The following MYO16 variants were observed in gnomAD, a reference collection of about 807,000 sequenced individuals.
MYO16 encodes unconventional myosin-XVI.
In MYO16, 94 loss-of-function variants were observed where a neutral mutation model predicts 205.3. The ratio of observed to expected loss-of-function variants is 0.46; its 90% CI spans 0.39 to 0.54. MYO16 has a LOEUF of 0.54. Ranked by LOEUF, MYO16 falls within the 20% of genes least tolerant of loss-of-function variation. MYO16 has a pLI of 0.00. For missense variants in MYO16, 2,315 were observed against 2,387.5 expected, an observed-to-expected ratio of 0.97 and a Z score of 0.63; for synonymous variants, 988 against 954.0, an observed-to-expected ratio of 1.04 and a Z score of -0.66.
chr13:108,912,389 T>C (rs1006731915), intron 16 of MYO16, among the ~76,000 whole-genome samples: 3 of 152,184 alleles, frequency 2.0e-5, no homozygotes, highest in Non-Finnish European at 4.4e-5. Context: ...GGGTTTTCTG[T>C]TCCCAAAATA....
At chr13:108,836,202 G>C (rs1188931377) in intron 9 of MYO16, among the ~76,000 whole-genome samples, 5 of 152,330 alleles carry the variant, frequency 3.3e-5, no homozygotes, top group Admixed American at 3.3e-4. Context: ...CAGCTCAAAG[G>C]GGCCAAAGTA....
intron 16 of MYO16, among the ~76,000 whole-genome samples, chr13:108,928,061 G>A (rs149964267): frequency 2.9e-4 from 44 of 152,310 alleles, no homozygotes; most frequent in African/African-American, 9.4e-4. Context: ...TTTGCTCTGC[G>A]TTTCACAGTC....
chr13:108,916,935 TC>T (rs1420692793), intron 16 of MYO16, among the ~76,000 whole-genome samples: 1 of 152,136 alleles, frequency 6.6e-6, no homozygotes, highest in Non-Finnish European at 1.5e-5. Flanking sequence ...GATTCCCAAC[TC>T]TAACACATTT....
At chr13:108,983,038 G>A (rs553178514) in intron 20 of MYO16, among the ~76,000 whole-genome samples, 3 of 152,140 alleles carry the variant, frequency 2.0e-5, no homozygotes, top group Non-Finnish European at 2.9e-5. Flanking sequence ...TCCGTCTCCC[G>A]ACTGCCAGTA....
In MYO16 at chr13:108,948,111, A is replaced by G. The variant is rs185567972; in HGVS notation, c.1926-9577A>G. Among the ~76,000 whole-genome samples, 3 of 152,344 alleles carry G rather than the reference A, an allele frequency of 2.0e-5. No homozygotes were observed. In the East Asian group the frequency reaches 5.8e-4, roughly 29 times the overall value. On this transcript the variant is annotated intron_variant, in intron 16 of 34. Coordinates refer to ENST00000457511, the MANE Select transcript of MYO16 (RefSeq NM_001198950.3). ...TTAATATGTTTCAGATAGTTCGAAA[A>G]CAATACAGAAAAGAATTTCTGTTTT...
Position 109,140,638 on chromosome 13 carries a change from G to C in MYO16, c.4426G>C (p.Gly1476Arg). Residue 1476 changes from glycine (G) to arginine (R), a missense_variant, in exon 32 of 35, where the codon GGC becomes CGC. Physicochemically the swap from Gly to Arg is moderately radical, Grantham distance 125. Coordinates refer to ENST00000457511, the MANE Select transcript of MYO16 (RefSeq NM_001198950.3). This position sits in a 1 kb window ranked among gnomAD's most constrained non-coding sequence, Gnocchi z 8.0. Reference protein sequence around the residue: ...GPGAGSFLLHGASPPLLHRAP... With the variant: ...GPGAGSFLLHRASPPLLHRAP... ...GGGCGCGGGCTCCTTCCTGCTCCAC[G>C]GCGCATCGCCGCCCCTGCTCCACCG... The C allele has an allele frequency of 6.6e-7, 1 of 1,514,710 alleles. No individual in the cohort carries two copies. The highest frequency in any genetic ancestry group is 1.4e-5 in the African/African-American group (1 of 69,438). The allele number at this position is 1,514,710 out of a possible 1,614,324, so 93.8% of individuals were successfully genotyped here.
rs536357271 is a variant in MYO16, at chr13:108,832,481, A to G, written c.1097+9203A>G. ...ATGTCCTGAATACCTCTTTTTCACA[A>G]GCAGAAGAAATTTCTCATAACTAGA... On this transcript the variant is annotated intron_variant, in intron 9 of 34. Coordinates refer to ENST00000457511, the MANE Select transcript of MYO16 (RefSeq NM_001198950.3). Among the ~76,000 whole-genome samples the G allele has an allele frequency of 2.0e-5, 3 of 152,104 alleles. No individual in the cohort carries two copies. In the East Asian group the frequency reaches 5.8e-4, roughly 30 times the overall value.
At chr13:108,634,855 A>G (rs1239081048) in intron 1 of MYO16, among the ~76,000 whole-genome samples, 1 of 151,976 alleles carries the variant, frequency 6.6e-6, no homozygotes, top group Admixed American at 6.6e-5. Context: ...ATCCATTCTC[A>G]TGGCTTTAAG....
intron 27 of MYO16, among the ~76,000 whole-genome samples, chr13:109,058,194 T>A (rs1887474992): frequency 6.6e-6 from 1 of 152,160 alleles, no homozygotes; most frequent in Admixed American, 6.6e-5. Flanking sequence ...TCTAGTCATC[T>A]GGGGACAATG....
At chr13:108,679,037 A>C (rs1882346132) in intron 2 of MYO16, among the ~76,000 whole-genome samples, 1 of 152,152 alleles carries the variant, frequency 6.6e-6, no homozygotes, top group Non-Finnish European at 1.5e-5. Context: ...ATTGATGAGC[A>C]ATCTACCCAC....
Position 109,025,574 on chromosome 13 carries a change from A to G in MYO16, c.2796+5663A>G, listed in dbSNP as rs190730804. Among the ~76,000 whole-genome samples, 6 of 152,286 alleles carry G rather than the reference A, an allele frequency of 3.9e-5. No individual in the cohort carries two copies. The East Asian group carries it at 1.2e-3, about 29-fold the overall frequency. On this transcript the variant is annotated intron_variant, in intron 23 of 34. Transcript: ENST00000457511. The stretch of plus-strand genomic sequence containing the variant: ...AGATATTTGTTTTAGCAAATATTAA[A>G]TCATATATGGGATTATCACTTATAG...
intron 2 of MYO16, among the ~76,000 whole-genome samples, chr13:108,710,864 G>A (rs895160613): frequency 1.3e-5 from 2 of 152,168 alleles, no homozygotes; most frequent in African/African-American, 2.4e-5. Flanking sequence ...TTTCTTTGCA[G>A]AATATAAAAA....
At chr13:109,151,402 A>G (rs1365686549) in intron 32 of MYO16, among the ~76,000 whole-genome samples, 1 of 152,218 alleles carries the variant, frequency 6.6e-6, no homozygotes, top group Non-Finnish European at 1.5e-5. Flanking sequence ...AAACAATATG[A>G]TTCATTTCTC....
intron 4 of MYO16, among the ~76,000 whole-genome samples, chr13:108,742,299 C>G (rs754524446): frequency 3.3e-5 from 5 of 152,008 alleles, no homozygotes; most frequent in Non-Finnish European, 5.9e-5. Flanking sequence ...CGGCCCTAAT[C>G]CTTATTGTTA....
intron 21 of MYO16, among the ~76,000 whole-genome samples, chr13:109,000,338 T>A (rs954313409): frequency 6.6e-6 from 1 of 152,192 alleles, no homozygotes; most frequent in Admixed American, 6.5e-5. Context: ...AACAGCTTTT[T>A]CAGAAAATTA....
At chr13:109,072,895 T>C (rs923328932) in intron 27 of MYO16, among the ~76,000 whole-genome samples, 1 of 152,136 alleles carries the variant, frequency 6.6e-6, no homozygotes, top group African/African-American at 2.4e-5. Flanking sequence ...TTTACTCTCA[T>C]CTTCTTTCCT....
At chr13:109,049,169 A>G (rs1252354469) in intron 24 of MYO16, among the ~76,000 whole-genome samples, 3 of 151,470 alleles carry the variant, frequency 2.0e-5, no homozygotes, top group African/African-American at 7.3e-5. Flanking sequence ...ACCTTGTACA[A>G]TGATTGTAGA....
At chr13:108,567,897 T>C in the MYO16 span, among the ~76,000 whole-genome samples, 2 of 152,138 alleles carry the variant, frequency 1.3e-5, no homozygotes, top group East Asian at 3.9e-4. Context: ...CATGAATACA[T>C]TTTTCGGTCT....
intron 23 of MYO16, among the ~76,000 whole-genome samples, chr13:109,022,678 A>T (rs62647038): frequency 8.1e-5 from 10 of 123,298 alleles, no homozygotes; most frequent in South Asian, 2.5e-4. Flanking sequence ...TTATATATAC[A>T]CATATAAACA....
Sources: gnomAD v4.1 joint callset for allele counts (sites outside exome capture counted in the v4.1 genomes callset) on GRCh38, gnomAD v4.1.1 for gene constraint, Gnocchi (gnomAD v3.1) non-coding constraint, MANE v1.5 for transcripts, NCBI Gene and HGNC (gene_info 2026-07-23, HGNC 2026-07-21) for gene names.